Variants in KITLG observed in about 807,000 individuals in gnomAD.
KITLG encodes the protein KIT ligand.
KITLG carries 13 observed loss-of-function variants against 34.1 expected under a neutral mutation model. That is an observed-to-expected ratio of 0.38 (90% confidence interval 0.25 to 0.61). The LOEUF is 0.61. Ranked by LOEUF, KITLG falls within the 20% of genes least tolerant of loss-of-function variation. The pLI is 0.60. For synonymous variants in KITLG, 110 were observed against 104.0 expected (o/e 1.06, Z -0.35); for missense variants, 292 against 318.9 (o/e 0.92, Z 0.64).
intron 6 of KITLG, 31 bp downstream of exon 6, chr12:88,515,503 T>G (rs1869422896): frequency 1.4e-6 from 2 of 1,389,960 alleles, no homozygotes; most frequent in Non-Finnish European, 2.0e-6. Flanking sequence ...ATTGGAGCCA[T>G]GCATGCATTA....
chr12:88,508,724 T>A (rs1869162423), intron 6 of KITLG, among the ~76,000 whole-genome samples: 1 of 152,124 alleles, frequency 6.6e-6, no homozygotes, highest in African/African-American at 2.4e-5. Context: ...CCACATCCTA[T>A]AGCCCCATGG....
intron 1 of KITLG, 21 bp downstream of exon 1, chr12:88,580,243 T>A (rs748535479): frequency 6.2e-7 from 1 of 1,604,440 alleles, no homozygotes; most frequent in Non-Finnish European, 8.5e-7. Context: ...GCCTGGGAGC[T>A]CCCGGGCGCG....
Position 88,497,110 on chromosome 12 carries a change from T to C in KITLG, c.*109A>G, listed in dbSNP as rs747207022. 9.0e-6 allele frequency: 4 copies of C among 443,982 alleles called. No individual in the cohort carries two copies. In the Middle Eastern group the frequency reaches 1.0e-3, roughly 112 times the overall value. 27.5% of individuals were successfully genotyped at this position (443,982 alleles called of 1,614,324 possible). On this transcript the variant is annotated 3_prime_UTR_variant, in exon 10 of 10. Transcript: ENST00000644744. ...AGCAAGAACAGATAAAGATGTGGTC[T>C]GTCACTCCAGACAGAATATGAATTT...
chr12:88,550,770 T>A (rs1427545621), intron 1 of KITLG, among the ~76,000 whole-genome samples: 1 of 152,142 alleles, frequency 6.6e-6, no homozygotes, highest in African/African-American at 2.4e-5. Flanking sequence ...CGATAGCAGA[T>A]CTCTAAAACT....
chr12:88,556,917 T>C (rs1871115730), intron 1 of KITLG, among the ~76,000 whole-genome samples: 2 of 152,202 alleles, frequency 1.3e-5, no homozygotes, highest in Admixed American at 1.3e-4. Context: ...AAAGAGTACT[T>C]AATGGAGCTG....
At chr12:88,524,875 A>G (rs942019147) in intron 3 of KITLG, among the ~76,000 whole-genome samples, 1 of 152,170 alleles carries the variant, frequency 6.6e-6, no homozygotes, top group Admixed American at 6.5e-5. Context: ...GTTGACTACA[A>G]GTGTCTATTT....
intron 6 of KITLG, among the ~76,000 whole-genome samples, chr12:88,510,253 G>GA (rs1420837287): frequency 6.6e-6 from 1 of 152,152 alleles, no homozygotes; most frequent in Non-Finnish European, 1.5e-5. Context: ...TGGTGCTTAT[G>GA]AAACAAGCAA....
chr12:88,528,874 A>G (rs1869976164), intron 3 of KITLG, among the ~76,000 whole-genome samples: 1 of 152,226 alleles, frequency 6.6e-6, no homozygotes, highest in Admixed American at 6.5e-5. Context: ...ATAAAAAACT[A>G]AAAGAAAACT....
chr12:88,536,661 A>T (rs886962956), intron 2 of KITLG, among the ~76,000 whole-genome samples: 3 of 152,258 alleles, frequency 2.0e-5, no homozygotes, highest in African/African-American at 7.2e-5. Flanking sequence ...AGCCATAAAA[A>T]GGATGAGTTC....
intron 1 of KITLG, among the ~76,000 whole-genome samples, chr12:88,559,350 G>C (rs1246078738): frequency 6.6e-6 from 1 of 152,170 alleles, no homozygotes; most frequent in Non-Finnish European, 1.5e-5. Flanking sequence ...GGCTTAGTTG[G>C]TACTGCGGGC....
chr12:88,534,846 G>T (rs1566026174), intron 2 of KITLG: 2 of 350,910 alleles, frequency 5.7e-6, no homozygotes, highest in South Asian at 2.2e-5. Flanking sequence ...AAAGGAAAAA[G>T]CGTCTAGTCA....
In KITLG at chr12:88,507,037, T is replaced by A. The variant is rs1869090254; in HGVS notation, c.705A>T (p.Leu235Phe). ...GAATGGTACCACTTACCTTCCAGTATAAGGCTCCAAAAGCAAAGCCAATTA... is the reference window on the plus strand; with the variant it reads ...GAATGGTACCACTTACCTTCCAGTAAAAGGCTCCAAAAGCAAAGCCAATTA... Reference protein sequence around the residue: ...SLIIGFAFGALYWKKRQPSLT... With the variant: ...SLIIGFAFGAFYWKKRQPSLT... The change falls in exon 7 of 10, where the codon TTA becomes TTT. Residue 235 changes from leucine (L) to phenylalanine (F), a missense_variant. By Grantham distance (22) the Leu-to-Phe change is conservative. Coordinates refer to ENST00000644744, the MANE Select transcript of KITLG (RefSeq NM_000899.5). 6.3e-7 allele frequency: 1 copy of A among 1,578,786 alleles called. No individual in the cohort carries two copies. The highest frequency in any genetic ancestry group is 8.7e-7 in the Non-Finnish European group (1 of 1,147,978).
intron 2 of KITLG, among the ~76,000 whole-genome samples, chr12:88,541,990 C>T (rs1870534796): frequency 6.6e-6 from 1 of 152,118 alleles, no homozygotes; most frequent in African/African-American, 2.4e-5. Context: ...ACTGTGAGCA[C>T]AGGCAAAAAT....
At chr12:88,529,288 T>C (rs1036380143) in intron 3 of KITLG, among the ~76,000 whole-genome samples, 1 of 152,212 alleles carries the variant, frequency 6.6e-6, no homozygotes, top group Non-Finnish European at 1.5e-5. Context: ...TTATTCTTTC[T>C]ACAATAACAT....
intron 1 of KITLG, among the ~76,000 whole-genome samples, chr12:88,562,326 G>A (rs1276540625): frequency 6.6e-6 from 1 of 152,198 alleles, no homozygotes; most frequent in Non-Finnish European, 1.5e-5. Flanking sequence ...GATGAAGGCT[G>A]GACAATGTAC....
At chr12:88,531,202 T>A (rs1870072030) in intron 3 of KITLG, among the ~76,000 whole-genome samples, 1 of 152,174 alleles carries the variant, frequency 6.6e-6, no homozygotes, top group African/African-American at 2.4e-5. Context: ...GTGCATACAC[T>A]GCAGTAAACA....
At chr12:88,557,837 T>G (rs1397472524) in intron 1 of KITLG, among the ~76,000 whole-genome samples, 4 of 152,092 alleles carry the variant, frequency 2.6e-5, no homozygotes, top group South Asian at 4.1e-4. Flanking sequence ...AACTAGCTGC[T>G]CTTAAAATTG....
At chr12:88,580,148 G>T in intron 1 of KITLG, 116 bp downstream of exon 1, 1 of 1,111,510 alleles carries the variant, frequency 9.0e-7, no homozygotes, top group South Asian at 1.3e-5. Flanking sequence ...TGTCTCACCC[G>T]GCAGGCACAG....
chr12:88,580,352 A>C lies in KITLG; in HGVS notation c.-74T>G. The C allele has an allele frequency of 6.4e-7, 1 of 1,564,040 alleles. No individual in the cohort carries two copies. Among genetic ancestry groups the C allele is most frequent in the East Asian group, 2.3e-5 (1 of 43,932 alleles). On this transcript the variant is annotated 5_prime_UTR_variant, in exon 1 of 10. The change abolishes an upstream ATG in the 5' untranslated region. Transcript: ENST00000644744. ...CGTTTAGCTGTTCTGGAGCTCCAGC[A>C]TATTGCACGAACAGCGGCGGCAGAT...
Sources: allele counts gnomAD v4.1 joint callset (sites outside exome capture counted in the v4.1 genomes callset), GRCh38; gene constraint gnomAD v4.1.1; transcripts MANE v1.5; gene names NCBI Gene and HGNC (gene_info 2026-07-23, HGNC 2026-07-21).